Variants in RIMBP2 observed in about 807,000 individuals in gnomAD.
The protein encoded by RIMBP2 is RIMS binding protein 2.
In RIMBP2, 48 loss-of-function variants were observed where a neutral mutation model predicts 118.6. That is an observed-to-expected ratio of 0.40 (90% CI 0.32 to 0.51). RIMBP2 has a LOEUF of 0.51. Among genes scored for constraint, RIMBP2 ranks in the 20% least tolerant of loss-of-function variants. The pLI is 0.41. For missense variants in RIMBP2, 1,551 were observed against 1,768.3 expected, an observed-to-expected ratio of 0.88 and a Z score of 2.20; for synonymous variants, 762 against 742.9, an observed-to-expected ratio of 1.03 and a Z score of -0.42.
chr12:130,601,299 C>G (rs1471160855), intron 2 of RIMBP2, among the ~76,000 whole-genome samples: 2 of 142,026 alleles, frequency 1.4e-5, no homozygotes, highest in Non-Finnish European at 3.0e-5. Context: ...CCACGGGCTG[C>G]TCACCCACCC....
intron 1 of RIMBP2, among the ~76,000 whole-genome samples, chr12:130,699,335 CCAA>C (rs2065727653): frequency 6.6e-6 from 1 of 152,064 alleles, no homozygotes; most frequent in South Asian, 2.1e-4. Flanking sequence ...ACCCAAATGT[CCAA>C]CAACAATAGA....
At chr12:130,404,845 A>T (rs1043887632) in intron 21 of RIMBP2, among the ~76,000 whole-genome samples, 4 of 152,216 alleles carry the variant, frequency 2.6e-5, no homozygotes, top group East Asian at 1.9e-4. Context: ...AAAATACAAT[A>T]ATTAAGACAG....
At chr12:130,459,288 C>T (rs532605593) in intron 6 of RIMBP2, among the ~76,000 whole-genome samples, 6 of 145,138 alleles carry the variant, frequency 4.1e-5, no homozygotes, top group African/African-American at 1.0e-4. Context: ...CAGCTATATA[C>T]GAAAAAAAAA....
chr12:130,549,070 T>C (rs1234695077), intron 2 of RIMBP2, among the ~76,000 whole-genome samples: 3 of 152,214 alleles, frequency 2.0e-5, no homozygotes, highest in African/African-American at 7.2e-5. Flanking sequence ...CCTAATTAAA[T>C]ACTCCTAGGA....
At chr12:130,596,322 A>G (rs759986792) in intron 2 of RIMBP2, among the ~76,000 whole-genome samples, 6 of 152,156 alleles carry the variant, frequency 3.9e-5, no homozygotes, top group Non-Finnish European at 5.9e-5. Context: ...CAAGGGCGTT[A>G]CTTTCATCTC....
At chr12:130,421,724 T>TGTGTGTGTGTGTGTGTGTG (rs1566004674) in intron 17 of RIMBP2, among the ~76,000 whole-genome samples, 6 of 151,360 alleles carry the variant, frequency 4.0e-5, no homozygotes, top group African/African-American at 1.2e-4. Context: ...TGTGTGTGTG[T>TGTGTGTGTGTGTGTGTGTG]TTTCATAGAA....
chr12:130,454,518 G>T (rs775590795), intron 7 of RIMBP2, among the ~76,000 whole-genome samples: 3 of 152,232 alleles, frequency 2.0e-5, no homozygotes, highest in Non-Finnish European at 4.4e-5. Flanking sequence ...AATGCCAGGG[G>T]ATATGGGCAT....
At position 130,523,660 on chromosome 12, in the gene RIMBP2, T is replaced by C. The variant is rs2052424364; in HGVS notation, c.-216-5743A>G. Among the ~76,000 whole-genome samples the C allele has an allele frequency of 6.6e-6, 1 of 152,206 alleles. No homozygotes were observed. The highest frequency in any genetic ancestry group is 1.5e-5 in the Non-Finnish European group (1 of 68,034). On this transcript the variant is annotated intron_variant, in intron 2 of 22. Transcript: ENST00000690449. The surrounding 1 kb of genome is among the most constrained non-coding windows in gnomAD (Gnocchi z 4.4). ...GTTCTTTCAATAAACTTGTCAATTT[T>C]ATTCATTTCAATAATCCCTCCACCA...
At chr12:130,639,974 G>A (rs1418508804) in intron 1 of RIMBP2, among the ~76,000 whole-genome samples, 1 of 152,154 alleles carries the variant, frequency 6.6e-6, no homozygotes, top group Non-Finnish European at 1.5e-5. Flanking sequence ...TCAACTTCCT[G>A]GCGTTTCTGT....
At position 130,454,498 on chromosome 12, in the gene RIMBP2, GTGCCAGGGCAA is replaced by G. The variant is rs2079254336; in HGVS notation, c.358+1987_358+1997del. Among the ~76,000 whole-genome samples the G allele has an allele frequency of 2.6e-5, 4 of 151,344 alleles. No individual in the cohort carries two copies. The South Asian group carries it at 8.5e-4, about 32-fold the overall frequency. On this transcript the variant is annotated intron_variant, in intron 7 of 22. Transcript: ENST00000690449. Reference sequence around the variant, plus strand: ...ATAAGCGACATGCACTGTGAGGGGAGTGCCAGGGCAATGCCAGGGGATATGGGCATGGGCCA... The same window carrying G: ...ATAAGCGACATGCACTGTGAGGGGAGTGCCAGGGGATATGGGCATGGGCCA...
At chr12:130,684,050 A>G (rs1043807395) in intron 1 of RIMBP2, among the ~76,000 whole-genome samples, 5 of 151,900 alleles carry the variant, frequency 3.3e-5, no homozygotes, top group African/African-American at 9.7e-5. Context: ...GATAAGAAAC[A>G]TTTACATCTG....
Position 130,416,815 on chromosome 12 carries a change from G to A in RIMBP2, c.3239-2509C>T, listed in dbSNP as rs77129425. On this transcript the variant is annotated intron_variant, in intron 17 of 22. Transcript: ENST00000690449. Reference sequence around the variant, plus strand: ...ATGGGAGAAAATATTTGCAAATTGTGCATCTGACAAAGGTCTAGTGTCCGG... The same window carrying A: ...ATGGGAGAAAATATTTGCAAATTGTACATCTGACAAAGGTCTAGTGTCCGG... Among the ~76,000 whole-genome samples the A allele has an allele frequency of 8.1e-3, 1,227 of 152,228 alleles. 17 individuals carry two copies. Among genetic ancestry groups the A allele is most frequent in the African/African-American group, 0.028 (1,167 of 41,530 alleles).
intron 2 of RIMBP2, among the ~76,000 whole-genome samples, chr12:130,618,250 C>T (rs2061076843): frequency 6.6e-6 from 1 of 152,140 alleles, no homozygotes; most frequent in Non-Finnish European, 1.5e-5. Context: ...TTCCTCTCAT[C>T]ACATTCACTC....
chr12:130,584,283 CCATCACCACCATCA>C (rs1566308840), intron 2 of RIMBP2, among the ~76,000 whole-genome samples: 1 of 50,752 alleles, frequency 2.0e-5, no homozygotes, highest in Non-Finnish European at 4.2e-5. Flanking sequence ...CACCTCATCG[CCATCACCACCATCA>C]CATCACCACC....
chr12:130,568,644 T>C (rs2057407106), intron 2 of RIMBP2, among the ~76,000 whole-genome samples: 1 of 152,258 alleles, frequency 6.6e-6, no homozygotes, highest in South Asian at 2.1e-4. Context: ...CTTTGCCAAC[T>C]TGATCTGTGC....
intron 5 of RIMBP2, among the ~76,000 whole-genome samples, chr12:130,476,545 C>A (rs1404948751): frequency 6.6e-6 from 1 of 152,200 alleles, no homozygotes; most frequent in Non-Finnish European, 1.5e-5. Flanking sequence ...CCCCAGCTAC[C>A]CGGCCTTCTT....
intron 2 of RIMBP2, among the ~76,000 whole-genome samples, chr12:130,555,184 A>G (rs934743469): frequency 8.5e-5 from 13 of 152,348 alleles, no homozygotes; most frequent in African/African-American, 3.1e-4. Flanking sequence ...ACTATCCTGT[A>G]TCAGCTCCCT....
chr12:130,628,908 GAA>G (rs1475150121), intron 1 of RIMBP2, among the ~76,000 whole-genome samples: 5 of 152,178 alleles, frequency 3.3e-5, no homozygotes, highest in African/African-American at 1.2e-4. Context: ...GCCGATGACA[GAA>G]AGAGTTATTA....
intron 1 of RIMBP2, among the ~76,000 whole-genome samples, chr12:130,690,470 A>T (rs2065261920): frequency 6.6e-6 from 1 of 152,234 alleles, no homozygotes; most frequent in Non-Finnish European, 1.5e-5. Flanking sequence ...AGAAAGAAGA[A>T]GAAACACAGA....
Sources: gnomAD v4.1 joint callset for allele counts (sites outside exome capture counted in the v4.1 genomes callset) on GRCh38, gnomAD v4.1.1 for gene constraint, Gnocchi (gnomAD v3.1) non-coding constraint, MANE v1.5 for transcripts, NCBI Gene and HGNC (gene_info 2026-07-23, HGNC 2026-07-21) for gene names.